Variants in ABTB3 observed in about 807,000 individuals in gnomAD.
The protein encoded by ABTB3 is ankyrin repeat and BTB domain containing 3, also known as ankyrin repeat- and BTB/POZ domain-containing protein 3.
the ABTB3 span, among the ~76,000 whole-genome samples, chr12:107,433,729 C>T: frequency 1.3e-5 from 2 of 152,158 alleles, no homozygotes; most frequent in Admixed American, 1.3e-4. Context: ...GTCAAGAAAA[C>T]TAAGATAGCC....
At chr12:107,447,406 T>C in the ABTB3 span, among the ~76,000 whole-genome samples, 1 of 152,170 alleles carries the variant, frequency 6.6e-6, no homozygotes, top group African/African-American at 2.4e-5. Context: ...CCTCCCAAAA[T>C]GCTAGGATTA....
the ABTB3 span, among the ~76,000 whole-genome samples, chr12:107,622,521 G>A: frequency 2.2e-4 from 34 of 151,972 alleles, no homozygotes; most frequent in Non-Finnish European, 3.5e-4. Context: ...TCGCTCTGTC[G>A]CCCAGACTGG....
the ABTB3 span, among the ~76,000 whole-genome samples, chr12:107,575,427 A>G: frequency 6.6e-6 from 1 of 152,154 alleles, no homozygotes. Context: ...AATTCTTCCA[A>G]TAACCCTGTT....
the ABTB3 span, among the ~76,000 whole-genome samples, chr12:107,559,847 A>T: frequency 5.1e-4 from 67 of 132,502 alleles, no homozygotes; most frequent in East Asian, 0.014. Context: ...AGGTGCTATG[A>T]ATTCAATTTT....
At chr12:107,460,612 T>A in the ABTB3 span, among the ~76,000 whole-genome samples, 39 of 151,590 alleles carry the variant, frequency 2.6e-4, no homozygotes, top group Non-Finnish European at 4.4e-4. Context: ...TGAGCCGAGA[T>A]CCCACCACTG....
chr12:107,403,236 G>A, the ABTB3 span, among the ~76,000 whole-genome samples: 1 of 152,200 alleles, frequency 6.6e-6, no homozygotes, highest in South Asian at 2.1e-4. Flanking sequence ...CCTGGTAAGG[G>A]CAGAGAAATG....
At chr12:107,319,454 T>G in the ABTB3 span, 2 of 1,607,344 alleles carry the variant, frequency 1.2e-6, no homozygotes, top group Non-Finnish European at 1.7e-6. Flanking sequence ...CGTGCTGTCC[T>G]GGGGCCTGGC....
At chr12:107,349,174 C>T in the ABTB3 span, among the ~76,000 whole-genome samples, 11 of 152,220 alleles carry the variant, frequency 7.2e-5, no homozygotes, top group African/African-American at 2.7e-4. Flanking sequence ...GAGGTAGCTT[C>T]TCAGGATGAG....
chr12:107,524,663 C>T, the ABTB3 span, among the ~76,000 whole-genome samples: 1 of 152,180 alleles, frequency 6.6e-6, no homozygotes, highest in South Asian at 2.1e-4. Context: ...GGAGGTTAAA[C>T]AACTTATCCA....
chr12:107,363,194 AT>A, the ABTB3 span, among the ~76,000 whole-genome samples: 1 of 152,214 alleles, frequency 6.6e-6, no homozygotes, highest in South Asian at 2.1e-4. Flanking sequence ...CCTTGTTCCC[AT>A]GAAATTCATT....
chr12:107,373,667 T>C, the ABTB3 span, among the ~76,000 whole-genome samples: 1 of 152,254 alleles, frequency 6.6e-6, no homozygotes, highest in South Asian at 2.1e-4. Flanking sequence ...ATCTTATAGA[T>C]AAAGCAACTA....
chr12:107,435,475 A>G, the ABTB3 span, among the ~76,000 whole-genome samples: 1 of 152,198 alleles, frequency 6.6e-6, no homozygotes, highest in Admixed American at 6.5e-5. Context: ...CTTGTTGACA[A>G]TCTTGCTTCT....
chr12:107,564,003 G>A, the ABTB3 span, among the ~76,000 whole-genome samples: 1 of 152,082 alleles, frequency 6.6e-6, no homozygotes, highest in Admixed American at 6.5e-5. Flanking sequence ...AAGGATTGAA[G>A]AGAGAAACTG....
chr12:107,384,092 C>T, the ABTB3 span, among the ~76,000 whole-genome samples: 2 of 152,348 alleles, frequency 1.3e-5, no homozygotes, highest in Non-Finnish European at 1.5e-5. Flanking sequence ...AGGAAACAAG[C>T]GTGCTCCTTG....
At chr12:107,390,674 G>A in the ABTB3 span, among the ~76,000 whole-genome samples, 3 of 152,210 alleles carry the variant, frequency 2.0e-5, no homozygotes, top group African/African-American at 7.2e-5. Context: ...ACTACTGAGG[G>A]TGGAGGGAGA....
At chr12:107,446,360 C>G in the ABTB3 span, among the ~76,000 whole-genome samples, 1 of 152,038 alleles carries the variant, frequency 6.6e-6, no homozygotes, top group South Asian at 2.1e-4. Context: ...TTTGTGGTGG[C>G]TTGTTGAAGG....
the ABTB3 span, among the ~76,000 whole-genome samples, chr12:107,591,208 A>C: frequency 4.6e-5 from 7 of 152,248 alleles, no homozygotes; most frequent in Non-Finnish European, 1.0e-4. Flanking sequence ...AGCTCTGAAA[A>C]TTATTCAGCT....
the ABTB3 span, among the ~76,000 whole-genome samples, chr12:107,380,437 T>G: frequency 1.3e-5 from 2 of 152,170 alleles, no homozygotes; most frequent in African/African-American, 4.8e-5. Flanking sequence ...CCAACATGAC[T>G]GAGTTGGCCC....
chr12:107,569,701 G>A, the ABTB3 span, among the ~76,000 whole-genome samples: 1 of 152,218 alleles, frequency 6.6e-6, no homozygotes, highest in East Asian at 1.9e-4. Context: ...TATAGGAACT[G>A]ATACAAGCAT....
Sources: allele counts gnomAD v4.1 joint callset (sites outside exome capture counted in the v4.1 genomes callset), GRCh38; gene constraint gnomAD v4.1.1; transcripts MANE v1.5; gene names NCBI Gene and HGNC (gene_info 2026-07-23, HGNC 2026-07-21).